Variants in PITPNM3 observed in about 807,000 individuals in gnomAD.
PITPNM3 encodes the protein membrane-associated phosphatidylinositol transfer protein 3.
A neutral mutation model predicts 102.0 loss-of-function variants in PITPNM3; 26 were observed. The observed-to-expected ratio is 0.25, with a 90% CI of 0.19 to 0.35. PITPNM3 has a LOEUF of 0.35. Among genes scored for constraint, PITPNM3 ranks in the 10% least tolerant of loss-of-function variants. The probability of loss-of-function intolerance (pLI) is 1.00; values close to 1 mark genes in which losing one functional copy is unlikely to be tolerated. For missense variants in PITPNM3, 1,083 were observed against 1,346.1 expected, an observed-to-expected ratio of 0.80 and a Z score of 3.06; for synonymous variants, 578 against 558.6, an observed-to-expected ratio of 1.03 and a Z score of -0.49.
At chr17:6,534,343 C>A (rs913200520) in intron 2 of PITPNM3, among the ~76,000 whole-genome samples, 1 of 152,202 alleles carries the variant, frequency 6.6e-6, no homozygotes, top group Non-Finnish European at 1.5e-5. Flanking sequence ...AATACTCCTG[C>A]CTGACTGTTC....
intron 2 of PITPNM3, among the ~76,000 whole-genome samples, chr17:6,535,557 A>G (rs910645197): frequency 1.4e-4 from 21 of 152,048 alleles, no homozygotes; most frequent in Admixed American, 1.2e-3. Context: ...GAGGTCCTGT[A>G]GGGTGTGTGG....
rs374036899 is a variant in PITPNM3, at chr17:6,527,231, C to T, written c.119-1768G>A. Among the ~76,000 whole-genome samples the T allele has an allele frequency of 1.7e-4, 26 of 152,290 alleles. No individual in the cohort carries two copies. The East Asian group carries it at 4.2e-3, about 25-fold the overall frequency. ...ACAAATATGAGGTGATATTATTCTT[C>T]GGGAAGCAGAATTATGAAGAGGTTA... is the stretch of plus-strand genomic sequence containing the variant. On this transcript the variant is annotated intron_variant, in intron 2 of 19. Coordinates refer to ENST00000262483, the MANE Select transcript of PITPNM3 (RefSeq NM_031220.4).
chr17:6,478,981 T>C lies in PITPNM3; in HGVS notation c.588-245A>G. ...CCGTGCTGGCCATGGGTGTGGGCCC[T>C]GGGGTCCCTGTGACTGCAGTCTCTA... On this transcript the variant is annotated intron_variant, in intron 6 of 19. Coordinates refer to ENST00000262483, the MANE Select transcript of PITPNM3 (RefSeq NM_031220.4). This position sits in a 1 kb window ranked among gnomAD's most constrained non-coding sequence, Gnocchi z 4.4. 1.8e-6 allele frequency: 1 copy of C among 559,884 alleles called. No homozygotes were observed. The highest frequency in any genetic ancestry group is 3.2e-6 in the Non-Finnish European group (1 of 313,762). The allele number at this position is 559,884 out of a possible 1,614,324, so 34.7% of individuals were successfully genotyped here. A position where few individuals can be genotyped will look rare whatever the true frequency, so the allele number is the denominator to read the frequency against.
At position 6,461,533 on chromosome 17, in the gene PITPNM3, A is replaced by G. The variant is rs772499344; in HGVS notation, c.2330T>C (p.Met777Thr). ...VVRHWQDLGY[M>T]ILYITGRPDM... is the part of the protein sequence containing the mutation. ...CGGCCGTCCCGTGATGTAAAGGATC[A>G]TGTAGCCCAAGTCCTGCCAGTGCCT... The change falls in exon 18 of 20, where the codon ATG becomes ACG. Residue 777 changes from methionine to threonine, a missense_variant. Met to Thr is a moderately conservative substitution (Grantham distance 81). Coordinates refer to ENST00000262483, the MANE Select transcript of PITPNM3 (RefSeq NM_031220.4). 1.9e-6 allele frequency: 3 copies of G among 1,614,232 alleles called. No individual in the cohort carries two copies. The highest frequency in any genetic ancestry group is 2.5e-6 in the Non-Finnish European group (3 of 1,180,034).
intron 1 of PITPNM3, among the ~76,000 whole-genome samples, chr17:6,541,733 A>C (rs1178922575): frequency 6.6e-6 from 1 of 152,148 alleles, no homozygotes; most frequent in African/African-American, 2.4e-5. Flanking sequence ...CCAGAACAGC[A>C]AGGGAAAGGC....
chr17:6,546,523 C>A (rs531004911), intron 1 of PITPNM3, among the ~76,000 whole-genome samples: 2 of 152,370 alleles, frequency 1.3e-5, no homozygotes, highest in African/African-American at 2.4e-5. Flanking sequence ...CGAGTTACAA[C>A]CATGGCCACA....
At position 6,468,702 on chromosome 17, in the gene PITPNM3, C is replaced by T. The variant is rs1567663161; in HGVS notation, c.1774-361G>A. On this transcript the variant is annotated intron_variant, in intron 13 of 19. Transcript: ENST00000262483. The surrounding 1 kb of genome is among the most constrained non-coding windows in gnomAD (Gnocchi z 5.2). The stretch of plus-strand genomic sequence containing the variant: ...CCAGCCCCTCCTTGCTTCTTGAGGA[C>T]GTTGCTCCAGCCATGCTCCCCTCCC... Among the ~76,000 whole-genome samples the T allele has an allele frequency of 6.6e-6, 1 of 152,130 alleles. No homozygotes were observed. The highest frequency in any genetic ancestry group is 2.4e-5 in the African/African-American group (1 of 41,414).
At chr17:6,538,118 G>A (rs1410169328) in intron 1 of PITPNM3, 36 bp from the exon 2 acceptor site, 1 of 1,511,902 alleles carries the variant, frequency 6.6e-7, no homozygotes, top group Non-Finnish European at 9.2e-7. Context: ...CCAAGCCTGA[G>A]ATGTTGTCCC....
At chr17:6,512,887 T>C (rs1907951245) in intron 3 of PITPNM3, among the ~76,000 whole-genome samples, 4 of 152,142 alleles carry the variant, frequency 2.6e-5, no homozygotes, top group African/African-American at 9.7e-5. Flanking sequence ...GTATACATTA[T>C]CCTAGAAGAG....
chr17:6,534,924 G>GC (rs1909333622), intron 2 of PITPNM3, among the ~76,000 whole-genome samples: 2 of 152,164 alleles, frequency 1.3e-5, no homozygotes, highest in Non-Finnish European at 2.9e-5. Flanking sequence ...GGAGTTGGCT[G>GC]CAAGTACCCA....
intron 3 of PITPNM3, among the ~76,000 whole-genome samples, chr17:6,504,757 C>A (rs1379834565): frequency 6.6e-6 from 1 of 152,196 alleles, no homozygotes; most frequent in African/African-American, 2.4e-5. Flanking sequence ...AGCTTCTTCA[C>A]TTACGAACCA....
chr17:6,461,171 G>A (rs1904428951), intron 18 of PITPNM3, among the ~76,000 whole-genome samples: 2 of 152,192 alleles, frequency 1.3e-5, no homozygotes, highest in African/African-American at 2.4e-5. Flanking sequence ...CAAGTTGCCG[G>A]AGCCTCACCT....
In PITPNM3 at chr17:6,452,521, G is replaced by C. The variant is rs1913891595; in HGVS notation, c.*2817C>G. 6.6e-6 allele frequency: 1 copy of C among 152,212 alleles called. No individual in the cohort carries two copies. The highest frequency in any genetic ancestry group is 2.1e-4 in the South Asian group (1 of 4,830). 9.4% of individuals were successfully genotyped at this position (152,212 alleles called of 1,614,324 possible). On this transcript the variant is annotated 3_prime_UTR_variant, in exon 20 of 20. Transcript: ENST00000262483. Reference sequence around the variant, plus strand: ...GGGGTCACAGAACTACTCAAGGAGAGGCAGCAGCACCCCCTCCAGAGAACA... The same window carrying C: ...GGGGTCACAGAACTACTCAAGGAGACGCAGCAGCACCCCCTCCAGAGAACA...
intron 1 of PITPNM3, among the ~76,000 whole-genome samples, chr17:6,552,762 CTTTTTTTT>C (rs34225911): frequency 3.4e-4 from 30 of 89,014 alleles, no homozygotes; most frequent in East Asian, 6.3e-4. Context: ...CTTTCTTTTT[CTTTTTTTT>C]TTTTTTTTTT....
intron 4 of PITPNM3, among the ~76,000 whole-genome samples, chr17:6,498,932 A>G (rs1907002433): frequency 6.6e-6 from 1 of 152,170 alleles, no homozygotes; most frequent in South Asian, 2.1e-4. Context: ...AGGCAGAAAC[A>G]GAAAGAGGCA....
chr17:6,525,665 T>C (rs993421880), intron 2 of PITPNM3, among the ~76,000 whole-genome samples: 1 of 152,206 alleles, frequency 6.6e-6, no homozygotes, highest in African/African-American at 2.4e-5. Context: ...TGTTGTACCC[T>C]ACTGGGCCTC....
intron 4 of PITPNM3, among the ~76,000 whole-genome samples, chr17:6,497,247 G>A (rs1477679612): frequency 6.6e-6 from 1 of 152,172 alleles, no homozygotes; most frequent in Non-Finnish European, 1.5e-5. Flanking sequence ...GGAGGCCAGG[G>A]GCTGAGGGTA....
In PITPNM3 at chr17:6,470,306, G is replaced by C; in HGVS notation, c.1727C>G (p.Ala576Gly). ...PTVALPHLFH[A>G]SYWESTDVVA... ...CACGTCTGTGGACTCCCAGTAACTG[G>C]CGTGGAAGAGGTGGGGCAGGGCCAC... Residue 576 changes from alanine (A) to glycine (G), a missense_variant, in exon 13 of 20, where the codon GCC (alanine) becomes GGC (glycine). Ala to Gly is a moderately conservative substitution (Grantham distance 60). Transcript: ENST00000262483. This position sits in a 1 kb window ranked among gnomAD's most constrained non-coding sequence, Gnocchi z 4.8. 3 of 1,613,868 alleles carry C rather than the reference G, an allele frequency of 1.9e-6. No homozygotes were observed. Among genetic ancestry groups the C allele is most frequent in the Non-Finnish European group, 2.5e-6 (3 of 1,179,928 alleles).
chr17:6,556,479 G>C lies in PITPNM3; in HGVS notation c.-73C>G, dbSNP rs1446451642. ...CCCGGGCCCGGCCCCGACCGCCTCCGGCCCCGAACGGACTCCGAGCGCCGC... is the reference window on the plus strand; with the variant it reads ...CCCGGGCCCGGCCCCGACCGCCTCCCGCCCCGAACGGACTCCGAGCGCCGC... On this transcript the variant is annotated 5_prime_UTR_variant, in exon 1 of 20. Transcript: ENST00000262483. The surrounding 1 kb of genome is among the most constrained non-coding windows in gnomAD (Gnocchi z 5.2). The C allele has an allele frequency of 8.7e-6, 9 of 1,030,934 alleles. No individual in the cohort carries two copies. The highest frequency in any genetic ancestry group is 1.1e-5 in the Non-Finnish European group (9 of 852,650). 63.9% of individuals were successfully genotyped at this position (1,030,934 alleles called of 1,614,324 possible). A position where few individuals can be genotyped will look rare whatever the true frequency, so the allele number is the denominator to read the frequency against.
Sources: allele counts gnomAD v4.1 joint callset (sites outside exome capture counted in the v4.1 genomes callset), GRCh38; gene constraint gnomAD v4.1.1; non-coding constraint Gnocchi (gnomAD v3.1); transcripts MANE v1.5; gene names NCBI Gene and HGNC (gene_info 2026-07-23, HGNC 2026-07-21).